SPMIP2: variants seen among roughly 807,000 people sequenced by gnomAD.
SPMIP2 encodes the protein sperm microtubule inner protein 2.
the SPMIP2 span, among the ~76,000 whole-genome samples, chr4:159,070,521 C>T: frequency 1.3e-5 from 2 of 152,088 alleles, no homozygotes; most frequent in African/African-American, 4.8e-5. Flanking sequence ...AGTTTTAATG[C>T]CAGATGATGC....
chr4:159,046,105 G>A, the SPMIP2 span, among the ~76,000 whole-genome samples: 239 of 152,050 alleles, frequency 1.6e-3, 1 homozygote, highest in African/African-American at 5.4e-3. Flanking sequence ...CAGGTGTCAT[G>A]GTGTGTGCCA....
chr4:159,065,384 G>C, the SPMIP2 span, among the ~76,000 whole-genome samples: 1 of 152,044 alleles, frequency 6.6e-6, no homozygotes, highest in Admixed American at 6.6e-5. Flanking sequence ...ATAAAATTGA[G>C]ACTTTTGAAA....
chr4:158,904,405 A>ATACTT, the SPMIP2 span: 1 of 1,378,506 alleles, frequency 7.3e-7, no homozygotes, highest in South Asian at 1.2e-5. Flanking sequence ...AAAAGAAATA[A>ATACTT]TACTTTCTCA....
At chr4:159,023,150 TA>T in the SPMIP2 span, among the ~76,000 whole-genome samples, 4 of 152,210 alleles carry the variant, frequency 2.6e-5, no homozygotes, top group African/African-American at 7.2e-5. Context: ...TCTTGTTAAA[TA>T]TTTTTTCTGG....
chr4:159,026,371 A>G, the SPMIP2 span: 1 of 759,830 alleles, frequency 1.3e-6, no homozygotes, highest in Non-Finnish European at 2.3e-6. Context: ...AAAAACTCAG[A>G]CTCTCTACAA....
At chr4:158,948,909 T>A in the SPMIP2 span, among the ~76,000 whole-genome samples, 1 of 152,156 alleles carries the variant, frequency 6.6e-6, no homozygotes, top group African/African-American at 2.4e-5. Flanking sequence ...CCACCATTAA[T>A]GGAAACTTTC....
the SPMIP2 span, among the ~76,000 whole-genome samples, chr4:159,011,011 GTCTC>G: frequency 3.3e-5 from 5 of 152,018 alleles, no homozygotes; most frequent in East Asian, 5.8e-4. Flanking sequence ...ACCACATGAT[GTCTC>G]TCTTTGTATA....
the SPMIP2 span, chr4:158,907,028 T>TA: frequency 3.3e-5 from 5 of 152,250 alleles, no homozygotes; most frequent in African/African-American, 1.2e-4. Flanking sequence ...TTTTAAGTCT[T>TA]ACCTGTTGAG....
At chr4:158,921,640 T>C in the SPMIP2 span, among the ~76,000 whole-genome samples, 2 of 152,244 alleles carry the variant, frequency 1.3e-5, no homozygotes, top group Admixed American at 1.3e-4. Flanking sequence ...GTAAGCCAAT[T>C]AAACCTCTTT....
chr4:158,970,125 A>G, the SPMIP2 span, among the ~76,000 whole-genome samples: 6 of 152,316 alleles, frequency 3.9e-5, no homozygotes, highest in African/African-American at 1.2e-4. Flanking sequence ...GTTTGAATGC[A>G]TGGAGTGTAT....
the SPMIP2 span, among the ~76,000 whole-genome samples, chr4:158,958,761 G>A: frequency 6.6e-6 from 1 of 152,132 alleles, no homozygotes; most frequent in Non-Finnish European, 1.5e-5. Context: ...GCTAACAAGG[G>A]CTTTGAAACA....
chr4:159,066,646 A>G, the SPMIP2 span, among the ~76,000 whole-genome samples: 2 of 149,036 alleles, frequency 1.3e-5, no homozygotes, highest in African/African-American at 4.9e-5. Context: ...AGTAATATAT[A>G]TCTCAACCCT....
At chr4:158,979,992 C>G in the SPMIP2 span, among the ~76,000 whole-genome samples, 1 of 151,956 alleles carries the variant, frequency 6.6e-6, no homozygotes, top group Non-Finnish European at 1.5e-5. Context: ...TGAAACCGAC[C>G]TGGGACGCTC....
At chr4:158,927,533 C>T in the SPMIP2 span, among the ~76,000 whole-genome samples, 1 of 152,234 alleles carries the variant, frequency 6.6e-6, no homozygotes, top group Non-Finnish European at 1.5e-5. Flanking sequence ...GAGGTGACAG[C>T]GTGCTGGCAG....
the SPMIP2 span, among the ~76,000 whole-genome samples, chr4:159,079,965 C>T: frequency 6.6e-6 from 1 of 151,964 alleles, no homozygotes. Flanking sequence ...ATTTAAATCC[C>T]ACCTACAGTC....
At chr4:158,987,287 T>C in the SPMIP2 span, among the ~76,000 whole-genome samples, 1 of 152,138 alleles carries the variant, frequency 6.6e-6, no homozygotes, top group Non-Finnish European at 1.5e-5. Context: ...ACTGGGTATA[T>C]ACCCAAAGGA....
chr4:158,973,996 A>G, the SPMIP2 span, among the ~76,000 whole-genome samples: 2 of 151,396 alleles, frequency 1.3e-5, no homozygotes, highest in Admixed American at 6.6e-5. Flanking sequence ...AAAAAAAAAA[A>G]AAAAAAAAAA....
At chr4:158,952,041 A>G in the SPMIP2 span, among the ~76,000 whole-genome samples, 32 of 152,338 alleles carry the variant, frequency 2.1e-4, no homozygotes, top group African/African-American at 7.0e-4. Context: ...TTTCTGGGGT[A>G]ATCTGGGATT....
the SPMIP2 span, among the ~76,000 whole-genome samples, chr4:158,942,456 G>C: frequency 3.9e-5 from 6 of 152,184 alleles, no homozygotes; most frequent in African/African-American, 1.4e-4. Context: ...ACCCAGCATC[G>C]AGCATTGTAT....
Sources: allele counts gnomAD v4.1 joint callset (sites outside exome capture counted in the v4.1 genomes callset), GRCh38; gene constraint gnomAD v4.1.1; transcripts MANE v1.5; gene names NCBI Gene and HGNC (gene_info 2026-07-23, HGNC 2026-07-21).